Variants in LRP1B observed in about 807,000 individuals in gnomAD.
LRP1B encodes the protein low-density lipoprotein receptor-related protein 1B.
LRP1B carries 217 observed loss-of-function variants against 556.6 expected under a neutral mutation model. That is an observed-to-expected ratio of 0.39 (90% CI 0.35 to 0.44). The LOEUF is 0.44. LRP1B is among the 20% of genes least tolerant of loss of function. The probability of loss-of-function intolerance (pLI) is 1.00; values close to 1 mark genes in which losing one functional copy is unlikely to be tolerated. For synonymous variants in LRP1B, 2,047 were observed against 1,865.8 expected (o/e 1.10, Z -2.50); for missense variants, 5,053 against 5,620.8 (o/e 0.90, Z 3.23).
Position 141,015,919 on chromosome 2 carries a change from A to C in LRP1B, c.1971-4T>G. 6.2e-7 allele frequency: 1 copy of C among 1,610,496 alleles called. No individual in the cohort carries two copies. The highest frequency in any genetic ancestry group is 8.5e-7 in the Non-Finnish European group (1 of 1,177,114). On this transcript the variant is annotated splice_region_variant and splice_polypyrimidine_tract_variant and intron_variant, in intron 12 of 90. Transcript: ENST00000389484. ...CCAGTCTGTCCAATACATCCAACTA[A>C]GACATTAAAAAAACAACAAAAATGC...
chr2:140,631,938 G>C (rs1260021792), intron 41 of LRP1B, among the ~76,000 whole-genome samples: 2 of 151,904 alleles, frequency 1.3e-5, no homozygotes, highest in Admixed American at 6.6e-5. Context: ...GAAGAACAAG[G>C]ATAAAAGTTA....
intron 7 of LRP1B, among the ~76,000 whole-genome samples, chr2:141,098,435 G>C (rs547309685): frequency 6.6e-6 from 1 of 152,258 alleles, no homozygotes; most frequent in East Asian, 1.9e-4. Flanking sequence ...TTTTTATTAT[G>C]TAAAAGTAAG....
intron 2 of LRP1B, among the ~76,000 whole-genome samples, chr2:141,707,773 A>C (rs1692199080): frequency 1.3e-5 from 2 of 152,200 alleles, no homozygotes; most frequent in African/African-American, 4.8e-5. Context: ...CAATGACTGC[A>C]ATAAAAGAGG....
intron 3 of LRP1B, among the ~76,000 whole-genome samples, chr2:141,306,223 C>T (rs2105439761): frequency 6.6e-6 from 1 of 152,126 alleles, no homozygotes; most frequent in African/African-American, 2.4e-5. Flanking sequence ...AAAATTGGTA[C>T]TCATTCTTCT....
intron 2 of LRP1B, among the ~76,000 whole-genome samples, chr2:141,584,746 A>C (rs1195649220): frequency 6.6e-6 from 1 of 152,174 alleles, no homozygotes; most frequent in African/African-American, 2.4e-5. Context: ...TGCAACATGG[A>C]TGACTCTTGA....
chr2:141,709,325 G>C (rs1389614287), intron 2 of LRP1B, among the ~76,000 whole-genome samples: 1 of 144,926 alleles, frequency 6.9e-6, no homozygotes, highest in East Asian at 2.1e-4. Flanking sequence ...CTCCAGCCTG[G>C]GCAACAGAGT....
At chr2:140,372,132 C>G (rs1683025992) in intron 69 of LRP1B, among the ~76,000 whole-genome samples, 1 of 151,888 alleles carries the variant, frequency 6.6e-6, no homozygotes, top group African/African-American at 2.4e-5. Flanking sequence ...GTCTCTCATA[C>G]TTACTTAATG....
rs537510357 is a variant in LRP1B at position 141,242,411 on chromosome 2, C to A, written c.592+4815G>T. ...CTCTCTCTCTTTTCAAGAATCATAG[C>A]AGAGGAAACAGCAAATGATATGAAA... On this transcript the variant is annotated intron_variant, in intron 5 of 90. Transcript: ENST00000389484. Among the ~76,000 whole-genome samples the A allele has an allele frequency of 2.6e-5, 4 of 152,096 alleles. No individual in the cohort carries two copies. In the South Asian group the frequency reaches 8.3e-4, roughly 32 times the overall value.
chr2:141,527,538 AC>A (rs1684730624), intron 2 of LRP1B, among the ~76,000 whole-genome samples: 1 of 152,080 alleles, frequency 6.6e-6, no homozygotes. Flanking sequence ...ACTATTTTTC[AC>A]CTATACAAAT....
At chr2:141,655,327 G>A (rs1192045687) in intron 2 of LRP1B, among the ~76,000 whole-genome samples, 1 of 152,090 alleles carries the variant, frequency 6.6e-6, no homozygotes, top group Non-Finnish European at 1.5e-5. Flanking sequence ...AATAAGGAAG[G>A]AGGAGAGTCA....
At chr2:140,465,801 T>G (rs952239610) in intron 60 of LRP1B, among the ~76,000 whole-genome samples, 2 of 152,070 alleles carry the variant, frequency 1.3e-5, no homozygotes, top group Non-Finnish European at 2.9e-5. Context: ...AAGACATGAT[T>G]GACACTGAAA....
chr2:140,968,418 T>C (rs1696300985), intron 18 of LRP1B, among the ~76,000 whole-genome samples: 1 of 151,664 alleles, frequency 6.6e-6, no homozygotes, highest in African/African-American at 2.4e-5. Context: ...GATTCTTCTC[T>C]CTTTTCTTAT....
At chr2:141,586,048 G>A (rs1687126685) in intron 2 of LRP1B, among the ~76,000 whole-genome samples, 1 of 152,046 alleles carries the variant, frequency 6.6e-6, no homozygotes. Flanking sequence ...GGGCTTTGAT[G>A]CAACATAAAA....
intron 65 of LRP1B, 133 bp from the exon 66 acceptor site, chr2:140,442,756 G>A: frequency 6.3e-6 from 5 of 792,420 alleles, no homozygotes; most frequent in Non-Finnish European, 7.8e-6. Context: ...GACTCTGAAG[G>A]TGAGGAATTT....
At chr2:140,581,968 T>C (rs1299610884) in intron 43 of LRP1B, among the ~76,000 whole-genome samples, 2 of 152,148 alleles carry the variant, frequency 1.3e-5, no homozygotes, top group Non-Finnish European at 2.9e-5. Flanking sequence ...ATCGGTAATA[T>C]GAGTCCCATG....
At chr2:140,766,866 A>ATATATATATATTATATATATATATATAAT (rs1203989037) in intron 35 of LRP1B, among the ~76,000 whole-genome samples, 1 of 116,362 alleles carries the variant, frequency 8.6e-6, no homozygotes, top group African/African-American at 3.0e-5. Flanking sequence ...ATATATATAT[A>ATATATATATATTATATATATATATATAAT]ATATATATAA....
intron 42 of LRP1B, among the ~76,000 whole-genome samples, chr2:140,599,373 C>A (rs77232157): frequency 0.023 from 3,416 of 151,816 alleles, 151 homozygotes; most frequent in African/African-American, 0.077. Flanking sequence ...TTCTTTTTTT[C>A]TCTCAGTGTG....
At chr2:140,708,913 T>C (rs571139114) in intron 37 of LRP1B, among the ~76,000 whole-genome samples, 1 of 151,774 alleles carries the variant, frequency 6.6e-6, no homozygotes, top group South Asian at 2.1e-4. Flanking sequence ...GTAAATCAAA[T>C]TTATTCCATT....
In LRP1B at chr2:140,323,952, G is replaced by GCTAAGTACT. The variant is rs767449014; in HGVS notation, c.12446_12454dup (p.Glu4149_Leu4151dup). On this transcript the variant is annotated inframe_insertion, in exon 81 of 91. Coordinates refer to ENST00000389484, the MANE Select transcript of LRP1B (RefSeq NM_018557.3). ...ACCTTTTGTTTTATCAATATTTAAA[G>GCTAAGTACT]CTAAGTACTCTACTGAACCATGGCC... The GCTAAGTACT allele has an allele frequency of 3.1e-6, 5 of 1,594,216 alleles. No individual in the cohort carries two copies. The highest frequency in any genetic ancestry group is 4.3e-6 in the Non-Finnish European group (5 of 1,162,908).
Sources: allele counts gnomAD v4.1 joint callset (sites outside exome capture counted in the v4.1 genomes callset), GRCh38; gene constraint gnomAD v4.1.1; transcripts MANE v1.5; gene names NCBI Gene and HGNC (gene_info 2026-07-23, HGNC 2026-07-21).